Variants in AVEN observed in about 807,000 individuals in gnomAD.
AVEN encodes the protein apoptosis and caspase activation inhibitor, also known as cell death regulator Aven.
A neutral mutation model predicts 38.1 loss-of-function variants in AVEN; 41 were observed. That is an observed-to-expected ratio of 1.08 (90% confidence interval 0.84 to 1.40). The LOEUF (loss-of-function observed/expected upper bound fraction) is 1.40. Ranked by LOEUF, AVEN falls within the 40% of genes most tolerant of loss-of-function variation. AVEN has a pLI of 0.00. For missense variants in AVEN, 605 were observed against 438.8 expected (o/e 1.38, Z -3.38); for synonymous variants, 206 against 171.8 (o/e 1.20, Z -1.56).
At position 34,027,528 on chromosome 15, in the gene AVEN, C is replaced by CAA. The variant is rs35780353; in HGVS notation, c.267+11250_267+11251dup. On this transcript the variant is annotated intron_variant, in intron 1 of 5. Coordinates refer to ENST00000306730, the MANE Select transcript of AVEN (RefSeq NM_020371.3). ...TGGATGACAAAGAGAGACTCTGTCT[C>CAA]AAAAAAAAAAAAAGAAAGAAAACGA... Among the ~76,000 whole-genome samples, 59 of 132,558 alleles carry CAA rather than the reference C, an allele frequency of 4.5e-4. 11 individuals are homozygous for CAA. Among genetic ancestry groups the CAA allele is most frequent in the Non-Finnish European group, 5.1e-4 (32 of 62,990 alleles). The allele number at this position is 132,558 out of a possible 152,430, so 87.0% of individuals were successfully genotyped here.
chr15:34,005,896 T>C (rs1378920391), intron 1 of AVEN, among the ~76,000 whole-genome samples: 1 of 152,228 alleles, frequency 6.6e-6, no homozygotes, highest in Non-Finnish European at 1.5e-5. Flanking sequence ...ATCTAGGGAC[T>C]GCAAAGACTG....
intron 1 of AVEN, among the ~76,000 whole-genome samples, chr15:34,004,387 G>A (rs1897252921): frequency 6.6e-6 from 1 of 152,170 alleles, no homozygotes. Flanking sequence ...GAAAAAAATG[G>A]TGGGAGAGGA....
At chr15:33,940,986 C>T (rs920430316) in intron 2 of AVEN, among the ~76,000 whole-genome samples, 3 of 152,200 alleles carry the variant, frequency 2.0e-5, no homozygotes, top group African/African-American at 7.2e-5. Context: ...ATTAGTTCTA[C>T]AAGATGCTCG....
intron 2 of AVEN, chr15:33,990,737 T>A (rs886922300): frequency 6.6e-6 from 1 of 152,204 alleles, no homozygotes. Context: ...GACCGAAACC[T>A]ACCACCATCA....
chr15:33,944,915 G>C (rs895636806), intron 2 of AVEN, among the ~76,000 whole-genome samples: 1 of 151,992 alleles, frequency 6.6e-6, no homozygotes, highest in African/African-American at 2.4e-5. Context: ...AAGTCCTTAA[G>C]GTACATGTTA....
At chr15:34,022,428 C>T (rs960477893) in intron 1 of AVEN, among the ~76,000 whole-genome samples, 1 of 152,136 alleles carries the variant, frequency 6.6e-6, no homozygotes, top group African/African-American at 2.4e-5. Context: ...AAAGAAAGGG[C>T]AGCAAAGGCG....
At chr15:33,956,433 G>A (rs759833015) in intron 2 of AVEN, among the ~76,000 whole-genome samples, 5 of 152,146 alleles carry the variant, frequency 3.3e-5, no homozygotes, top group Non-Finnish European at 5.9e-5. Flanking sequence ...TCTCTCCTAT[G>A]AGTGCATTGA....
At position 33,914,566 on chromosome 15, in the gene AVEN, T is replaced by C. The variant is rs532775878; in HGVS notation, c.446-38571A>G. ...GAAGCTCAAGTACTAGAAGAAAATA[T>C]AAATTCCTTTTTAACAGGCATATAG... is the stretch of plus-strand genomic sequence containing the variant. On this transcript the variant is annotated intron_variant, in intron 2 of 5. Coordinates refer to ENST00000306730, the MANE Select transcript of AVEN (RefSeq NM_020371.3). Among the ~76,000 whole-genome samples, 5 of 150,516 alleles carry C rather than the reference T, an allele frequency of 3.3e-5. No homozygotes were observed. The South Asian group carries it at 1.1e-3, about 32-fold the overall frequency.
chr15:33,871,053 A>T, intron 3 of AVEN, 23 bp from the exon 4 acceptor site: 1 of 1,320,806 alleles, frequency 7.6e-7, no homozygotes. Flanking sequence ...ATAAAAGAAA[A>T]TAAAATATCA....
In AVEN at chr15:34,038,786, G is replaced by A. The variant is rs1306024319; in HGVS notation, c.261C>T (p.Ser87=). The part of the protein sequence containing the change: ...REPGGWGAGA[S]APVEDDSDAE... The stretch of plus-strand genomic sequence containing the variant: ...ACCAGCCGTCGCCTCTTACCGGCGC[G>A]CTGGCCCCTGCGCCCCAGCCTCCCG... Residue 87 remains serine (S), a synonymous_variant, in exon 1 of 6, where the codon AGC becomes AGT. Transcript: ENST00000306730. 2.5e-6 allele frequency: 3 copies of A among 1,183,328 alleles called. No individual in the cohort carries two copies. The highest frequency in any genetic ancestry group is 3.6e-5 in the South Asian group (1 of 27,782). The allele number at this position is 1,183,328 out of a possible 1,614,324, so 73.3% of individuals were successfully genotyped here.
chr15:34,035,481 C>T (rs1407660364), intron 1 of AVEN, among the ~76,000 whole-genome samples: 3 of 152,066 alleles, frequency 2.0e-5, no homozygotes, highest in Admixed American at 6.6e-5. Flanking sequence ...GAGCAGCAGT[C>T]GAAAGAACAG....
intron 2 of AVEN, chr15:34,067,427 A>G (rs1055974975): frequency 6.6e-6 from 1 of 152,206 alleles, no homozygotes; most frequent in African/African-American, 2.4e-5. Context: ...TTGTATAAGC[A>G]CTATTCTAGA....
At chr15:33,973,818 G>A (rs767022345) in intron 2 of AVEN, among the ~76,000 whole-genome samples, 1 of 152,208 alleles carries the variant, frequency 6.6e-6, no homozygotes, top group African/African-American at 2.4e-5. Context: ...GTAAGCTCAG[G>A]ACTAGTTAAT....
At chr15:33,856,058 C>T (rs768714682), downstream of AVEN, 2 of 152,190 alleles carry the variant, frequency 1.3e-5, no homozygotes, top group Non-Finnish European at 1.5e-5. Flanking sequence ...CCTGGTAAGG[C>T]ACACGTTAAG....
chr15:34,042,396 GTTTT>G (rs35456951), upstream of AVEN, among the ~76,000 whole-genome samples: 210 of 130,370 alleles, frequency 1.6e-3, no homozygotes, highest in African/African-American at 6.1e-3. Context: ...CATGACCTAA[GTTTT>G]TTTTTTTTTT....
intron 2 of AVEN, among the ~76,000 whole-genome samples, chr15:33,986,745 C>T (rs1896489905): frequency 6.8e-6 from 1 of 148,146 alleles, no homozygotes; most frequent in African/African-American, 2.4e-5. Flanking sequence ...CAACCTCCGC[C>T]TCCCAGGTTC....
chr15:34,074,739 T>C (rs563719390), exon 1 of AVEN, among the ~76,000 whole-genome samples: 2 of 152,334 alleles, frequency 1.3e-5, no homozygotes, highest in South Asian at 4.1e-4. Context: ...CCAAAGACAG[T>C]CACATTCTGA....
At chr15:33,859,609 C>G (rs1162778289) in intron 11 of AVEN, 1 of 1,613,874 alleles carries the variant, frequency 6.2e-7, no homozygotes, top group Non-Finnish European at 8.5e-7. Context: ...GGAGTGAGAG[C>G]AGGAGGTGGC....
In AVEN at chr15:33,875,852, C is replaced by T. The variant is rs111239127; in HGVS notation, c.516+73G>A. On this transcript the variant is annotated intron_variant, in intron 3 of 5. Coordinates refer to ENST00000306730, the MANE Select transcript of AVEN (RefSeq NM_020371.3). ...TCTTTTCTACATGAAGACTCTATCT[C>T]AAGAACGTAAAAGGTGTTAGCCTTC... 4.3e-6 allele frequency: 6 copies of T among 1,386,576 alleles called. No individual in the cohort carries two copies. In the African/African-American group the frequency reaches 5.8e-5, roughly 13 times the overall value. 85.9% of individuals were successfully genotyped at this position (1,386,576 alleles called of 1,614,324 possible). A position where few individuals can be genotyped will look rare whatever the true frequency, so the allele number is the denominator to read the frequency against.
Sources: gnomAD v4.1 joint callset for allele counts (sites outside exome capture counted in the v4.1 genomes callset) on GRCh38, gnomAD v4.1.1 for gene constraint, MANE v1.5 for transcripts, NCBI Gene and HGNC (gene_info 2026-07-23, HGNC 2026-07-21) for gene names.